The following PDE11A variants were observed in gnomAD, a reference collection of about 807,000 sequenced individuals.
PDE11A encodes phosphodiesterase 11A.
Under a neutral mutation model 100.5 loss-of-function variants are expected in PDE11A, and 100 were observed. The observed-to-expected ratio is 1.00, with a 90% CI of 0.85 to 1.18. PDE11A has a LOEUF of 1.18. Among genes scored for constraint, PDE11A ranks in the 50% most tolerant of loss-of-function variants. PDE11A has a pLI of 0.00. For synonymous variants in PDE11A, 381 were observed against 420.8 expected (o/e 0.91, Z 1.16); for missense variants, 1,141 against 1,152.6 (o/e 0.99, Z 0.15).
At chr2:177,985,125 A>G (rs2085925883) in intron 2 of PDE11A, among the ~76,000 whole-genome samples, 3 of 152,244 alleles carry the variant, frequency 2.0e-5, no homozygotes, top group South Asian at 2.1e-4. Context: ...AATTGAAATC[A>G]GGTGCATATT....
chr2:177,635,600 A>G (rs1045517697), intron 19 of PDE11A, among the ~76,000 whole-genome samples: 3 of 152,214 alleles, frequency 2.0e-5, no homozygotes, highest in African/African-American at 7.2e-5. Context: ...ACATAGTTCC[A>G]TGGATACAAA....
chr2:178,079,006 C>A (rs1365671252), intron 2 of PDE11A, among the ~76,000 whole-genome samples: 1 of 152,058 alleles, frequency 6.6e-6, no homozygotes, highest in East Asian at 1.9e-4. Flanking sequence ...TTCTAAAAAT[C>A]AGAAGTATCC....
intron 2 of PDE11A, chr2:177,922,633 A>C (rs973118656): frequency 2.6e-4 from 243 of 935,098 alleles, no homozygotes; most frequent in Non-Finnish European, 2.9e-4. Flanking sequence ...TTTACCTGTT[A>C]GTTATGTCTC....
chr2:178,023,375 T>C (rs1164417854), intron 1 of PDE11A, among the ~76,000 whole-genome samples: 1 of 152,188 alleles, frequency 6.6e-6, no homozygotes, highest in Non-Finnish European at 1.5e-5. Context: ...CCATCTTCTC[T>C]TTCTACTTTC....
chr2:178,006,328 C>G (rs1396823081), intron 2 of PDE11A, among the ~76,000 whole-genome samples: 2 of 152,028 alleles, frequency 1.3e-5, no homozygotes, highest in African/African-American at 4.8e-5. Context: ...TGGCTTAAGC[C>G]TTGAAAGAAA....
At chr2:177,752,945 A>G (rs960789717) in intron 10 of PDE11A, among the ~76,000 whole-genome samples, 1 of 152,210 alleles carries the variant, frequency 6.6e-6, no homozygotes, top group Admixed American at 6.5e-5. Flanking sequence ...GTTATAGTTA[A>G]TTTCCAATCT....
In PDE11A at chr2:177,898,176, T is replaced by G. The variant is rs1482364008; in HGVS notation, c.1184A>C (p.Asp395Ala). 4 of 1,608,670 alleles carry G rather than the reference T, an allele frequency of 2.5e-6. No individual in the cohort carries two copies. The highest frequency in any genetic ancestry group is 3.4e-6 in the Non-Finnish European group (4 of 1,175,056). Residue 395 changes from aspartate to alanine, a missense_variant, in exon 4 of 20, where the codon GAC becomes GCC. Physicochemically the swap from Asp to Ala is moderately radical, Grantham distance 126. Transcript: ENST00000286063. ...RSRALLEVVN[D>A]LFEEQTDLEK... ...CAGGTCAGTCTGTTCTTCAAAGAGG[T>G]CATTAACCACCTCTAGCAAAGCCTA...
intron 15 of PDE11A, among the ~76,000 whole-genome samples, chr2:177,689,585 A>C (rs1437186163): frequency 6.6e-6 from 1 of 152,216 alleles, no homozygotes; most frequent in African/African-American, 2.4e-5. Flanking sequence ...AGGAATAGAA[A>C]ATTAATATAC....
At chr2:177,671,581 A>G (rs2080682693) in intron 17 of PDE11A, among the ~76,000 whole-genome samples, 1 of 124,946 alleles carries the variant, frequency 8.0e-6, no homozygotes, top group Non-Finnish European at 1.9e-5. Context: ...AGTGAGCATT[A>G]AAAAAAAAAA....
At chr2:177,676,268 T>C (rs1319276960) in intron 16 of PDE11A, among the ~76,000 whole-genome samples, 2 of 152,180 alleles carry the variant, frequency 1.3e-5, no homozygotes, top group African/African-American at 4.8e-5. Context: ...TATAATTTAA[T>C]GTGGTGGGAG....
At chr2:177,669,928 A>C (rs987345430) in intron 17 of PDE11A, among the ~76,000 whole-genome samples, 1 of 152,228 alleles carries the variant, frequency 6.6e-6, no homozygotes, top group African/African-American at 2.4e-5. Flanking sequence ...TTATTATTAT[A>C]TTATGTAATG....
intron 12 of PDE11A, among the ~76,000 whole-genome samples, chr2:177,718,385 C>T (rs1298307570): frequency 6.6e-6 from 1 of 152,180 alleles, no homozygotes. Context: ...TTCAGTTGCA[C>T]AGCTTTTAAA....
intron 6 of PDE11A, among the ~76,000 whole-genome samples, chr2:177,831,289 T>A (rs1420281465): frequency 6.6e-6 from 1 of 152,204 alleles, no homozygotes; most frequent in Non-Finnish European, 1.5e-5. Flanking sequence ...AGACATCCCT[T>A]TGTAGCTCCT....
intron 2 of PDE11A, among the ~76,000 whole-genome samples, chr2:178,078,531 T>C (rs1247463849): frequency 6.6e-6 from 1 of 152,162 alleles, no homozygotes; most frequent in Non-Finnish European, 1.5e-5. Flanking sequence ...TTCAAAGATA[T>C]CTTGGTGAAC....
At chr2:177,648,052 C>T (rs985144613) in intron 19 of PDE11A, among the ~76,000 whole-genome samples, 8 of 152,078 alleles carry the variant, frequency 5.3e-5, no homozygotes, top group Non-Finnish European at 1.0e-4. Context: ...TTCAAGGTCA[C>T]AGTGAGCTAT....
At chr2:178,090,317 C>T (rs2087407553) in intron 2 of PDE11A, among the ~76,000 whole-genome samples, 1 of 152,168 alleles carries the variant, frequency 6.6e-6, no homozygotes, top group African/African-American at 2.4e-5. Context: ...CATTTGCAAA[C>T]TTTCTTCCAA....
At chr2:177,782,874 C>G (rs1413466478) in intron 9 of PDE11A, among the ~76,000 whole-genome samples, 3 of 151,448 alleles carry the variant, frequency 2.0e-5, no homozygotes, top group Non-Finnish European at 4.4e-5. Context: ...TTCTCTATCT[C>G]TCCCCTCTCC....
At chr2:178,001,219 C>T (rs1198732690) in intron 2 of PDE11A, among the ~76,000 whole-genome samples, 1 of 151,536 alleles carries the variant, frequency 6.6e-6, no homozygotes, top group Non-Finnish European at 1.5e-5. Flanking sequence ...AGAAATACTG[C>T]ATGCTGTCCT....
chr2:177,925,580 G>T (rs2085115288), intron 2 of PDE11A, among the ~76,000 whole-genome samples: 1 of 152,088 alleles, frequency 6.6e-6, no homozygotes, highest in Non-Finnish European at 1.5e-5. Context: ...GGGGTTGTTT[G>T]TTTTTTTCTT....
Sources: gnomAD v4.1 joint callset for allele counts (sites outside exome capture counted in the v4.1 genomes callset) on GRCh38, gnomAD v4.1.1 for gene constraint, MANE v1.5 for transcripts, NCBI Gene and HGNC (gene_info 2026-07-23, HGNC 2026-07-21) for gene names.